APBB2: variants seen among roughly 807,000 people sequenced by gnomAD.
The protein encoded by APBB2 is Fe65-like 1.
Under a neutral mutation model 82.5 loss-of-function variants are expected in APBB2, and 38 were observed. That is an observed-to-expected ratio of 0.46 (90% CI 0.36 to 0.60). APBB2 has a LOEUF of 0.60. Ranked by LOEUF, APBB2 falls within the 20% of genes least tolerant of loss-of-function variation. The pLI is 0.00. For missense variants in APBB2, 772 were observed against 972.3 expected, an observed-to-expected ratio of 0.79 and a Z score of 2.74; for synonymous variants, 341 against 368.2, an observed-to-expected ratio of 0.93 and a Z score of 0.85.
chr4:41,210,476 G>A (rs2154082252), intron 1 of APBB2, among the ~76,000 whole-genome samples: 1 of 152,298 alleles, frequency 6.6e-6, no homozygotes. Flanking sequence ...ATTATGGAGA[G>A]TCTGTTACTC....
chr4:40,882,031 G>GGTGGACAGA (rs754878214), intron 12 of APBB2, among the ~76,000 whole-genome samples: 433 of 152,280 alleles, frequency 2.8e-3, no homozygotes, highest in Non-Finnish European at 4.3e-3. Context: ...GACAGACTGC[G>GGTGGACAGA]CTGTGTGAGT....
intron 6 of APBB2, among the ~76,000 whole-genome samples, chr4:40,974,534 T>C (rs1193946355): frequency 1.3e-5 from 2 of 152,122 alleles, no homozygotes; most frequent in Non-Finnish European, 2.9e-5. Context: ...TTTATTATAG[T>C]AAACAGAGAC....
intron 1 of APBB2, among the ~76,000 whole-genome samples, chr4:41,169,056 A>C (rs2154051679): frequency 6.6e-6 from 1 of 152,030 alleles, no homozygotes; most frequent in South Asian, 2.1e-4. Flanking sequence ...ATGGTGGCGC[A>C]CACCTACAGT....
At chr4:41,187,105 C>A (rs558983468) in intron 1 of APBB2, among the ~76,000 whole-genome samples, 1 of 152,080 alleles carries the variant, frequency 6.6e-6, no homozygotes, top group Admixed American at 6.6e-5. Flanking sequence ...GAAATAAAAT[C>A]AAGTCAGAGA....
intron 10 of APBB2, among the ~76,000 whole-genome samples, chr4:40,921,921 C>A (rs1292092488): frequency 6.6e-6 from 1 of 152,184 alleles, no homozygotes; most frequent in Non-Finnish European, 1.5e-5. Context: ...GACCTTTCTG[C>A]CCCTTCCTGA....
chr4:41,190,126 T>A (rs190270167), intron 1 of APBB2, among the ~76,000 whole-genome samples: 135 of 152,204 alleles, frequency 8.9e-4, no homozygotes, highest in African/African-American at 3.1e-3. Flanking sequence ...CCCAGTGTTA[T>A]AATCCTTGAA....
intron 3 of APBB2, among the ~76,000 whole-genome samples, chr4:41,076,735 TGACA>T (rs533424298): frequency 2.6e-5 from 4 of 152,226 alleles, no homozygotes; most frequent in African/African-American, 9.6e-5. Flanking sequence ...GGGTCCAGCA[TGACA>T]GACAGGAACT....
intron 4 of APBB2, among the ~76,000 whole-genome samples, chr4:41,049,703 T>C (rs952621459): frequency 2.0e-5 from 3 of 152,148 alleles, no homozygotes; most frequent in Admixed American, 2.0e-4. Context: ...GGGGGAAATG[T>C]GGGGAAAAGA....
chr4:40,920,638 G>A (rs1011771367), intron 10 of APBB2, among the ~76,000 whole-genome samples: 2 of 152,180 alleles, frequency 1.3e-5, no homozygotes, highest in Non-Finnish European at 2.9e-5. Flanking sequence ...TTGGGAGGCC[G>A]AGGCAGGTGG....
intron 6 of APBB2, among the ~76,000 whole-genome samples, chr4:40,962,831 A>C (rs1199759348): frequency 6.6e-6 from 1 of 152,192 alleles, no homozygotes; most frequent in Non-Finnish European, 1.5e-5. Context: ...TATGACATCC[A>C]AAAAAGATTC....
intron 6 of APBB2, among the ~76,000 whole-genome samples, chr4:40,970,875 C>G (rs1369528497): frequency 2.0e-5 from 3 of 152,192 alleles, no homozygotes; most frequent in African/African-American, 7.2e-5. Flanking sequence ...AAACCAAAGA[C>G]TGTCCCTTCC....
At chr4:41,156,655 G>A (rs1441016471) in intron 1 of APBB2, among the ~76,000 whole-genome samples, 3 of 152,288 alleles carry the variant, frequency 2.0e-5, no homozygotes, top group Non-Finnish European at 2.9e-5. Flanking sequence ...AAAGTATTAC[G>A]GAAAGTTCAT....
Position 40,824,286 on chromosome 4 carries a change from C to CT in APBB2, c.1817-528dup, listed in dbSNP as rs139344666. ...TGCAGACCATGGCCCTTCAGCCTCT[C>CT]TCCACCCTCACTGTCTCTTGATGGC... On this transcript the variant is annotated intron_variant, in intron 15 of 17. Transcript: ENST00000508593. 6.2e-3 allele frequency among the ~76,000 whole-genome samples: 947 copies of CT among 152,324 alleles called. 7 individuals carry two copies. The highest frequency in any genetic ancestry group is 8.9e-3 in the Non-Finnish European group (608 of 68,024).
intron 12 of APBB2, chr4:40,880,285 C>T (rs993190652): frequency 2.0e-6 from 2 of 985,298 alleles, no homozygotes; most frequent in African/African-American, 3.5e-5. Flanking sequence ...ACCTGATGTT[C>T]TCAAATTCTT....
At chr4:41,210,322 T>C (rs1414079548) in intron 1 of APBB2, among the ~76,000 whole-genome samples, 1 of 152,196 alleles carries the variant, frequency 6.6e-6, no homozygotes, top group African/African-American at 2.4e-5. Flanking sequence ...TCTCTCATTT[T>C]ACAGATGGGA....
chr4:40,836,203 G>A (rs907065321), intron 12 of APBB2, among the ~76,000 whole-genome samples: 20 of 152,302 alleles, frequency 1.3e-4, no homozygotes, highest in Admixed American at 7.2e-4. Context: ...CTGGCCGGGC[G>A]CGGTGGCTCA....
intron 6 of APBB2, among the ~76,000 whole-genome samples, chr4:40,952,370 C>G (rs1169533728): frequency 6.6e-6 from 1 of 152,084 alleles, no homozygotes; most frequent in African/African-American, 2.4e-5. Flanking sequence ...ATGCCCCTGG[C>G]TGGTGACGCC....
chr4:40,990,765 A>G (rs1911693), intron 6 of APBB2, among the ~76,000 whole-genome samples: 139,885 of 152,194 alleles, frequency 0.92, 65,167 homozygotes, highest in Non-Finnish European at 1. Flanking sequence ...AACTGCATCC[A>G]TCATTTTAAA....
chr4:41,007,129 T>A (rs545628866), intron 6 of APBB2, among the ~76,000 whole-genome samples: 1 of 152,236 alleles, frequency 6.6e-6, no homozygotes, highest in Non-Finnish European at 1.5e-5. Flanking sequence ...CCCAAATTTA[T>A]GTGTTGATTG....
Sources: gnomAD v4.1 joint callset for allele counts (sites outside exome capture counted in the v4.1 genomes callset) on GRCh38, gnomAD v4.1.1 for gene constraint, MANE v1.5 for transcripts, NCBI Gene and HGNC (gene_info 2026-07-23, HGNC 2026-07-21) for gene names.